The following TVP23B variants were observed in gnomAD, a reference collection of about 807,000 sequenced individuals.
The protein encoded by TVP23B is trans-golgi network vesicle protein 23 homolog B.
Under a neutral mutation model 30.6 loss-of-function variants are expected in TVP23B, and 10 were observed. That is an observed-to-expected ratio of 0.33 (90% CI 0.20 to 0.55). TVP23B has a LOEUF of 0.55. TVP23B is among the 20% of genes least tolerant of loss of function. TVP23B has a pLI of 0.91. For synonymous variants in TVP23B, 67 were observed against 83.1 expected (o/e 0.81, Z 1.06); for missense variants, 153 against 243.2 (o/e 0.63, Z 2.47).
At chr17:18,794,872 T>A (rs1254407106) in intron 3 of TVP23B, among the ~76,000 whole-genome samples, 3 of 151,898 alleles carry the variant, frequency 2.0e-5, no homozygotes, top group African/African-American at 7.3e-5. Context: ...GGAGTGCCGT[T>A]TATGCTTCTG....
At chr17:18,781,721 A>G in intron 1 of TVP23B, 1 of 230,790 alleles carries the variant, frequency 4.3e-6, no homozygotes, top group Admixed American at 5.5e-5. Context: ...TTTCCAAACT[A>G]ATGTTGTTGG....
At chr17:18,787,411 A>AAC (rs2035924589) in intron 1 of TVP23B, among the ~76,000 whole-genome samples, 1 of 150,046 alleles carries the variant, frequency 6.7e-6, no homozygotes, top group African/African-American at 2.5e-5. Flanking sequence ...TCAAAAAAAA[A>AAC]AAAAAAAACC....
intron 1 of TVP23B, chr17:18,781,543 C>G (rs1373069352): frequency 3.2e-6 from 2 of 615,462 alleles, no homozygotes; most frequent in Non-Finnish European, 5.2e-6. Flanking sequence ...TGTGGGGACG[C>G]CCATTGTTAA....
chr17:18,784,904 A>G (rs528973772), intron 1 of TVP23B, among the ~76,000 whole-genome samples: 7 of 152,182 alleles, frequency 4.6e-5, no homozygotes, highest in Non-Finnish European at 1.0e-4. Context: ...TTAGTTGTTC[A>G]GGACAAAAAC....
Position 18,805,807 on chromosome 17 carries a change from A to AG in TVP23B, c.*242dup, listed in dbSNP as rs2151853982. 1 of 1,382,262 alleles carries AG rather than the reference A, an allele frequency of 7.2e-7. No homozygotes were observed. Among genetic ancestry groups the AG allele is most frequent in the African/African-American group, 1.5e-5 (1 of 68,518 alleles). 85.6% of individuals were successfully genotyped at this position (1,382,262 alleles called of 1,614,324 possible). A position where few individuals can be genotyped will look rare whatever the true frequency, so the allele number is the denominator to read the frequency against. On this transcript the variant is annotated 3_prime_UTR_variant, in exon 7 of 7. Transcript: ENST00000307767. ...ATTGTCAAGATTTGTTCTGTGGTGTAGGTATGCACATTCCATAGGTATGCA... is the reference window on the plus strand; with the variant it reads ...ATTGTCAAGATTTGTTCTGTGGTGTAGGGTATGCACATTCCATAGGTATGCA...
chr17:18,793,416 G>A (rs1272253718), intron 3 of TVP23B, among the ~76,000 whole-genome samples: 1 of 147,934 alleles, frequency 6.8e-6, no homozygotes, highest in Non-Finnish European at 1.5e-5. Flanking sequence ...GACCATCCTG[G>A]CTAACATGGT....
intron 1 of TVP23B, among the ~76,000 whole-genome samples, chr17:18,784,645 G>A (rs1333119873): frequency 2.0e-5 from 3 of 150,498 alleles, no homozygotes; most frequent in Admixed American, 1.3e-4. Context: ...GCGAGACTCC[G>A]TCTCAAAAAA....
intron 1 of TVP23B, among the ~76,000 whole-genome samples, chr17:18,785,886 C>T (rs2035898084): frequency 6.6e-6 from 1 of 151,948 alleles, no homozygotes; most frequent in South Asian, 2.1e-4. Flanking sequence ...TATAAATTTC[C>T]TGTTGCTACT....
intron 2 of TVP23B, among the ~76,000 whole-genome samples, chr17:18,790,015 C>A (rs1476605665): frequency 6.6e-6 from 1 of 152,070 alleles, no homozygotes; most frequent in Non-Finnish European, 1.5e-5. Context: ...GGAATGACTG[C>A]CAGTGGGTAC....
chr17:18,790,600 T>A (rs1379030249), intron 2 of TVP23B, among the ~76,000 whole-genome samples: 1 of 152,198 alleles, frequency 6.6e-6, no homozygotes, highest in Admixed American at 6.5e-5. Flanking sequence ...AGATACAGTT[T>A]CCTTATTTCT....
intron 2 of TVP23B, among the ~76,000 whole-genome samples, chr17:18,790,475 AAAAAG>A (rs1359338363): frequency 1.2e-4 from 16 of 138,366 alleles, no homozygotes; most frequent in African/African-American, 3.3e-4. Context: ...AAAAAAAAAA[AAAAAG>A]AAAAGAAAGA....
At position 18,786,163 on chromosome 17, in the gene TVP23B, G is replaced by A. The variant is rs71367490; in HGVS notation, c.13-3190G>A. On this transcript the variant is annotated intron_variant, in intron 1 of 6. Transcript: ENST00000307767. Reference sequence around the variant, plus strand: ...TTGTTTCCCTTGTAAGGACCATTGTGATCACGTCATCTGACCAGCCTGGGT... The same window carrying A: ...TTGTTTCCCTTGTAAGGACCATTGTAATCACGTCATCTGACCAGCCTGGGT... Among the ~76,000 whole-genome samples the A allele has an allele frequency of 2.6e-5, 4 of 152,202 alleles. No individual in the cohort carries two copies. In the South Asian group the frequency reaches 6.2e-4, roughly 24 times the overall value.
chr17:18,794,304 A>T (rs1259781498), intron 3 of TVP23B, among the ~76,000 whole-genome samples: 1 of 152,240 alleles, frequency 6.6e-6, no homozygotes, highest in African/African-American at 2.4e-5. Context: ...CACTGTGAAG[A>T]AAATCAAAAT....
At chr17:18,801,376 C>T (rs2151851642) in intron 5 of TVP23B, among the ~76,000 whole-genome samples, 1 of 151,956 alleles carries the variant, frequency 6.6e-6, no homozygotes, top group South Asian at 2.1e-4. Flanking sequence ...TTTGCTTATC[C>T]TTACAGTGAC....
At position 18,787,745 on chromosome 17, in the gene TVP23B, A is replaced by G. The variant is rs564057273; in HGVS notation, c.13-1608A>G. ...TTGCTTCAGTGCTCAACAGTGCTCA[A>G]TGAAGACAGTGTCAGAAGCAAGTAG... On this transcript the variant is annotated intron_variant, in intron 1 of 6. Coordinates refer to ENST00000307767, the MANE Select transcript of TVP23B (RefSeq NM_016078.6). 9.8e-5 allele frequency among the ~76,000 whole-genome samples: 15 copies of G among 152,296 alleles called. No homozygotes were observed. In the South Asian group the frequency reaches 1.9e-3, roughly 19 times the overall value.
intron 4 of TVP23B, among the ~76,000 whole-genome samples, chr17:18,798,241 G>A (rs1430550081): frequency 2.6e-5 from 4 of 152,096 alleles, no homozygotes; most frequent in African/African-American, 7.2e-5. Flanking sequence ...CTTGGCGACA[G>A]TACACCAAGG....
intron 5 of TVP23B, among the ~76,000 whole-genome samples, chr17:18,801,636 C>CT (rs1289979226): frequency 5.9e-5 from 9 of 151,802 alleles, no homozygotes; most frequent in Non-Finnish European, 1.2e-4. Flanking sequence ...GCTGTGCACT[C>CT]TCTTCTGGTT....
rs777979657 is a variant in TVP23B, at chr17:18,804,175, A to G, written c.500A>G (p.Asn167Ser). 8 of 1,613,586 alleles carry G rather than the reference A, an allele frequency of 5.0e-6. No homozygotes were observed. Among genetic ancestry groups the G allele is most frequent in the South Asian group, 2.2e-5 (2 of 90,992 alleles). Residue 167 changes from asparagine (N) to serine (S), a missense_variant, in exon 6 of 7, where the codon AAC (asparagine) becomes AGC (serine). By Grantham distance (46) the Asn-to-Ser change is conservative. Around this residue, in one of 3 missense-constraint regions of TVP23B, gnomAD observed 62 missense variants for 74.3 expected, o/e 0.83. Transcript: ENST00000307767. ...VIMGVVLQGA[N>S]LYGYIRCKVR... is the part of the protein sequence containing the mutation. ...ATGGGTGTGGTGCTACAAGGTGCCA[A>G]CCTGTATGGTTACATCAGGTGTAAG...
chr17:18,787,425 T>C (rs2035925457), intron 1 of TVP23B, among the ~76,000 whole-genome samples: 1 of 149,300 alleles, frequency 6.7e-6, no homozygotes, highest in African/African-American at 2.5e-5. Context: ...AAAAACCTTG[T>C]CTTCTAGGTC....
Sources: allele counts gnomAD v4.1 joint callset (sites outside exome capture counted in the v4.1 genomes callset), GRCh38; gene constraint gnomAD v4.1.1; regional missense constraint gnomAD v4.1.1; transcripts MANE v1.5; gene names NCBI Gene and HGNC (gene_info 2026-07-23, HGNC 2026-07-21).